Variants in KNTC1 observed in about 807,000 individuals in gnomAD.
The protein encoded by KNTC1 is kinetochore associated 1.
KNTC1 carries 253 observed loss-of-function variants against 314.4 expected under a neutral mutation model. That is an observed-to-expected ratio of 0.80 (90% CI 0.73 to 0.89). The LOEUF is 0.89. Ranked by LOEUF, KNTC1 falls within the 40% of genes least tolerant of loss-of-function variation. The probability of loss-of-function intolerance (pLI) is 0.00; values close to 1 mark genes in which losing one functional copy is unlikely to be tolerated. For missense variants in KNTC1, 2,475 were observed against 2,572.9 expected (o/e 0.96, Z 0.82); for synonymous variants, 901 against 901.4 (o/e 1.00, Z 0.01).
chr12:122,545,319 G>A (rs897102995), intron 8 of KNTC1, among the ~76,000 whole-genome samples: 2 of 152,048 alleles, frequency 1.3e-5, no homozygotes, highest in Non-Finnish European at 2.9e-5. Flanking sequence ...GAAGAATTGC[G>A]TGAGCCCAGG....
At chr12:122,602,336 A>G in intron 45 of KNTC1, 1 of 349,586 alleles carries the variant, frequency 2.9e-6, no homozygotes. Context: ...CAAAACATCT[A>G]CCAACAACAG....
chr12:122,622,487 T>C lies in KNTC1; in HGVS notation c.6395T>C (p.Ile2132Thr). The C allele has an allele frequency of 1.3e-6, 2 of 1,581,898 alleles. No homozygotes were observed. The highest frequency in any genetic ancestry group is 1.7e-6 in the Non-Finnish European group (2 of 1,161,412). Residue 2132 changes from isoleucine (I) to threonine (T), a missense_variant, in exon 62 of 64, where the codon ATC becomes ACC. Coordinates refer to ENST00000333479, the MANE Select transcript of KNTC1 (RefSeq NM_014708.6). Reference sequence around the variant, plus strand: ...ATTAGAAGTCTGATTTTGAATAATATCATCAATAAGAAGGAGTTTGGGATT... The same window carrying C: ...ATTAGAAGTCTGATTTTGAATAATACCATCAATAAGAAGGAGTTTGGGATT... ...HQIRSLILNN[I>T]INKKEFGILA...
chr12:122,558,898 G>A (rs11058717), intron 18 of KNTC1, among the ~76,000 whole-genome samples: 1 of 151,952 alleles, frequency 6.6e-6, no homozygotes, highest in African/African-American at 2.4e-5. Context: ...AAACCTCTAT[G>A]CCATTAATAG....
At chr12:122,532,037 G>GTTTT (rs71085818) in intron 2 of KNTC1, among the ~76,000 whole-genome samples, 1 of 126,678 alleles carries the variant, frequency 7.9e-6, no homozygotes, top group Admixed American at 8.0e-5. Context: ...CCGGCCATTT[G>GTTTT]TTTTTTTTTT....
At chr12:122,584,838 A>G in intron 35 of KNTC1, 55 bp from the exon 36 acceptor site, 1 of 916,452 alleles carries the variant, frequency 1.1e-6, no homozygotes. Context: ...GGTTGTTTTC[A>G]TTATCCTAAA....
chr12:122,620,788 G>C (rs560439792), intron 60 of KNTC1, among the ~76,000 whole-genome samples, 180 bp downstream of exon 60: 1 of 152,346 alleles, frequency 6.6e-6, no homozygotes, highest in East Asian at 1.9e-4. Flanking sequence ...TTAAGGTCCA[G>C]CTGAGGGCTG....
chr12:122,598,421 C>CTTTTT (rs11395342), intron 44 of KNTC1, among the ~76,000 whole-genome samples: 4,929 of 124,100 alleles, frequency 0.04, 198 homozygotes, highest in Non-Finnish European at 0.055. Flanking sequence ...TTTTTCTTTT[C>CTTTTT]TTTTTTTTTT....
At chr12:122,596,020 G>A (rs1186296043) in intron 43 of KNTC1, among the ~76,000 whole-genome samples, 1 of 147,874 alleles carries the variant, frequency 6.8e-6, no homozygotes, top group Non-Finnish European at 1.5e-5. Context: ...CTATCACTGT[G>A]TTATTAATAG....
At chr12:122,616,372 C>T (rs1023795758) in intron 57 of KNTC1, among the ~76,000 whole-genome samples, 2 of 151,784 alleles carry the variant, frequency 1.3e-5, no homozygotes, top group African/African-American at 2.4e-5. Context: ...ACGCTATTCT[C>T]CTGCCTCAGC....
At position 122,557,690 on chromosome 12, in the gene KNTC1, G is replaced by C; in HGVS notation, c.1488+1G>C. On this transcript the variant is annotated splice_donor_variant, in intron 18 of 63. Transcript: ENST00000333479. LOFTEE classifies it high-confidence loss of function. Reference sequence around the variant, plus strand: ...GATGCTGAATTATGCCAAAACCAGGGTAGGTTCGTTTTTTTGTATTTTGTT... The same window carrying C: ...GATGCTGAATTATGCCAAAACCAGGCTAGGTTCGTTTTTTTGTATTTTGTT... The C allele has an allele frequency of 6.2e-7, 1 of 1,610,314 alleles. No homozygotes were observed. The highest frequency in any genetic ancestry group is 8.5e-7 in the Non-Finnish European group (1 of 1,178,070).
intron 3 of KNTC1, among the ~76,000 whole-genome samples, chr12:122,536,614 G>A (rs1204957856): frequency 1.3e-5 from 2 of 151,246 alleles, no homozygotes; most frequent in Non-Finnish European, 2.9e-5. Context: ...CCACCTCCCA[G>A]GTTCAAGAGA....
rs755534788 is a variant in KNTC1, at chr12:122,624,774, T to C, written c.6606+86T>C. 3 of 924,696 alleles carry C rather than the reference T, an allele frequency of 3.2e-6. No homozygotes were observed. In the Admixed American group the frequency reaches 5.1e-5, roughly 16 times the overall value. The allele number at this position is 924,696 out of a possible 1,614,324, so 57.3% of individuals were successfully genotyped here. A position where few individuals can be genotyped will look rare whatever the true frequency, so the allele number is the denominator to read the frequency against. ...AAAATTGACAAGCCTTTTCTAGTGT[T>C]CTGGAGATAAATGTATTTTTATGTG... On this transcript the variant is annotated intron_variant, in intron 63 of 63. Coordinates refer to ENST00000333479, the MANE Select transcript of KNTC1 (RefSeq NM_014708.6).
In KNTC1 at chr12:122,562,439, T is replaced by TTGTGTGTGTG. The variant is rs4039211; in HGVS notation, c.1543-167_1543-158dup. Among the ~76,000 whole-genome samples the TTGTGTGTGTG allele has an allele frequency of 1.6e-3, 231 of 145,076 alleles. 2 individuals carry two copies. Among genetic ancestry groups the TTGTGTGTGTG allele is most frequent in the Middle Eastern group, 3.5e-3 (1 of 286 alleles). On this transcript the variant is annotated intron_variant, in intron 19 of 63. Coordinates refer to ENST00000333479, the MANE Select transcript of KNTC1 (RefSeq NM_014708.6). Reference sequence around the variant, plus strand: ...GGAAATGTTTTTCTTATCCCATGTTTTGTGTGTGTGTGTGTGTGTGTGTGT... The same window carrying TTGTGTGTGTG: ...GGAAATGTTTTTCTTATCCCATGTTTTGTGTGTGTGTGTGTGTGTGTGTGTGTGTGTGTGT...
At chr12:122,587,992 G>A (rs905623242) in intron 39 of KNTC1, 118 bp downstream of exon 39, 4 of 824,088 alleles carry the variant, frequency 4.9e-6, no homozygotes, top group East Asian at 2.8e-5. Context: ...TTGGTAATTC[G>A]TCAGATTTAA....
intron 43 of KNTC1, among the ~76,000 whole-genome samples, chr12:122,595,261 T>C (rs1870883120): frequency 6.6e-6 from 1 of 152,264 alleles, no homozygotes; most frequent in African/African-American, 2.4e-5. Context: ...GTAATTTATA[T>C]CTCAGATGTT....
At chr12:122,541,099 G>A (rs1309544080) in intron 5 of KNTC1, among the ~76,000 whole-genome samples, 3 of 152,032 alleles carry the variant, frequency 2.0e-5, no homozygotes, top group Non-Finnish European at 4.4e-5. Context: ...TGGGCCTGCA[G>A]TGAGCTGCGA....
Position 122,588,830 on chromosome 12 carries a change from C to T in KNTC1, c.3999+14C>T. The T allele has an allele frequency of 6.8e-7, 1 of 1,475,904 alleles. No homozygotes were observed. Among genetic ancestry groups the T allele is most frequent in the Non-Finnish European group, 9.0e-7 (1 of 1,108,874 alleles). The allele number at this position is 1,475,904 out of a possible 1,614,324, so 91.4% of individuals were successfully genotyped here. On this transcript the variant is annotated intron_variant, in intron 40 of 63. Coordinates refer to ENST00000333479, the MANE Select transcript of KNTC1 (RefSeq NM_014708.6). ...CTACTGCACAAAGTAAGTATTTGTTCTGGGTAAAAATTTTGTTTGTTTTTT... is the reference window on the plus strand; with the variant it reads ...CTACTGCACAAAGTAAGTATTTGTTTTGGGTAAAAATTTTGTTTGTTTTTT...
At chr12:122,609,542 G>T in intron 52 of KNTC1, 112 bp downstream of exon 52, 1 of 690,848 alleles carries the variant, frequency 1.4e-6, no homozygotes, top group South Asian at 1.9e-5. Flanking sequence ...TAAAACTCAG[G>T]TCAGAGTCTA....
chr12:122,613,204 C>T lies in KNTC1; in HGVS notation c.5715C>T (p.Leu1905=), dbSNP rs551424378. The change falls in exon 54 of 64, where the codon CTC becomes CTT. Residue 1905 remains leucine, a synonymous_variant. Coordinates refer to ENST00000333479, the MANE Select transcript of KNTC1 (RefSeq NM_014708.6). ...CTGACAAGGAAACTATAGAATCTCT[C>T]TTTAAAAAACCCATTGAAGAAGTGA... ...YLADKETIES[L]FKKPIEEVKS... 16 of 1,605,320 alleles carry T rather than the reference C, an allele frequency of 1.0e-5. No individual in the cohort carries two copies. The Middle Eastern group carries it at 5.0e-4, about 50-fold the overall frequency.
Sources: gnomAD v4.1 joint callset for allele counts (sites outside exome capture counted in the v4.1 genomes callset) on GRCh38, gnomAD v4.1.1 for gene constraint, MANE v1.5 for transcripts, NCBI Gene and HGNC (gene_info 2026-07-23, HGNC 2026-07-21) for gene names.